PACS2: variants seen among roughly 807,000 people sequenced by gnomAD.
PACS2 encodes the protein phosphofurin acidic cluster sorting protein 2, also known as PACS1-like protein.
A neutral mutation model predicts 113.0 loss-of-function variants in PACS2; 36 were observed. The observed-to-expected ratio is 0.32, with a 90% CI of 0.24 to 0.42. The LOEUF (loss-of-function observed/expected upper bound fraction) is 0.42, where lower values mean the gene tolerates loss of function less well. PACS2 is among the 10% of genes least tolerant of loss of function. PACS2 has a pLI of 1.00. For synonymous variants in PACS2, 589 were observed against 536.1 expected (o/e 1.10, Z -1.36); for missense variants, 1,015 against 1,239.5 (o/e 0.82, Z 2.72).
intron 4 of PACS2, among the ~76,000 whole-genome samples, chr14:105,359,741 G>A (rs1001992107): frequency 3.9e-5 from 6 of 151,956 alleles, no homozygotes; most frequent in African/African-American, 7.3e-5. Flanking sequence ...ACAGGCGCCC[G>A]CCACTACGCC....
rs797043171 is a variant in PACS2, at chr14:105,355,286, A to C, written c.423+109A>C. On this transcript the variant is annotated intron_variant, in intron 4 of 24. Coordinates refer to ENST00000447393, the MANE Select transcript of PACS2 (RefSeq NM_001100913.3). The surrounding 1 kb of genome is among the most constrained non-coding windows in gnomAD (Gnocchi z 4.1). ...TCCCGGGTCCAGATGTCCAGGGATC[A>C]GGTGAAAATGATGAGAGGAGCCTGG... 16 of 1,323,908 alleles carry C rather than the reference A, an allele frequency of 1.2e-5. 1 individual carries two copies. The African/African-American group carries it at 2.2e-4, about 18-fold the overall frequency. 82.0% of individuals were successfully genotyped at this position (1,323,908 alleles called of 1,614,324 possible). A position where few individuals can be genotyped will look rare whatever the true frequency, so the allele number is the denominator to read the frequency against.
At chr14:105,377,175 G>C (rs2080814857) in intron 9 of PACS2, among the ~76,000 whole-genome samples, 1 of 152,192 alleles carries the variant, frequency 6.6e-6, no homozygotes, top group Non-Finnish European at 1.5e-5. Context: ...GGCTGGGGAG[G>C]ACCGAGAGGG....
chr14:105,306,300 T>TTG (rs1410300326), intron 1 of PACS2, among the ~76,000 whole-genome samples: 7 of 152,034 alleles, frequency 4.6e-5, no homozygotes, highest in African/African-American at 1.7e-4. Flanking sequence ...TGTTTTGTTT[T>TTG]GTTTTGTTTT....
Position 105,385,680 on chromosome 14 carries a change from A to C in PACS2, c.2001-5A>C. The C allele has an allele frequency of 6.6e-7, 1 of 1,520,682 alleles. No individual in the cohort carries two copies. Among genetic ancestry groups the C allele is most frequent in the East Asian group, 2.5e-5 (1 of 40,456 alleles). 94.2% of individuals were successfully genotyped at this position (1,520,682 alleles called of 1,614,324 possible). A position where few individuals can be genotyped will look rare whatever the true frequency, so the allele number is the denominator to read the frequency against. Reference sequence around the variant, plus strand: ...TGTTTTCTCTTTTGGTGGCTTTCTGAAAAGGAAAAAGCATTTTCATTTTGA... The same window carrying C: ...TGTTTTCTCTTTTGGTGGCTTTCTGCAAAGGAAAAAGCATTTTCATTTTGA... On this transcript the variant is annotated splice_polypyrimidine_tract_variant and splice_region_variant and intron_variant, in intron 18 of 24. Transcript: ENST00000447393.
In PACS2 at chr14:105,380,949, C is replaced by T. The variant is rs782344385; in HGVS notation, c.1126-8C>T. The T allele has an allele frequency of 3.1e-6, 5 of 1,608,036 alleles. No homozygotes were observed. The highest frequency in any genetic ancestry group is 4.2e-6 in the Non-Finnish European group (5 of 1,177,038). ...ACGGGAGGCTCCAGGCCCGTCTCTG[C>T]TCAGCAGGGTGTGCCAGGCCCGAGG... On this transcript the variant is annotated splice_polypyrimidine_tract_variant and splice_region_variant and intron_variant, in intron 11 of 24. Transcript: ENST00000447393.
chr14:105,335,257 G>A (rs1229751777), intron 1 of PACS2, among the ~76,000 whole-genome samples: 3 of 152,270 alleles, frequency 2.0e-5, no homozygotes, highest in Non-Finnish European at 4.4e-5. Context: ...TGCCGTTGCT[G>A]GAGCCGTGGT....
Position 105,368,461 on chromosome 14 carries a change from C to A in PACS2, c.663C>A (p.Asp221Glu), listed in dbSNP as rs781891896. ...EASDDAVQGQ[D>E]LDEDDFDVGK... ...AGCCACTGCATATGTCTCTGCAGGA[C>A]TTGGACGAGGACGACTTTGACGTGG... The change falls in exon 7 of 25, where the codon GAC becomes GAA. Residue 221 changes from aspartate (D) to glutamate (E), a missense_variant and splice_region_variant. Coordinates refer to ENST00000447393, the MANE Select transcript of PACS2 (RefSeq NM_001100913.3). 3 of 1,613,534 alleles carry A rather than the reference C, an allele frequency of 1.9e-6. No individual in the cohort carries two copies. The highest frequency in any genetic ancestry group is 2.5e-6 in the Non-Finnish European group (3 of 1,179,590).
At chr14:105,333,789 C>T (rs1238403502) in intron 1 of PACS2, among the ~76,000 whole-genome samples, 1 of 152,244 alleles carries the variant, frequency 6.6e-6, no homozygotes, top group Admixed American at 6.5e-5. Context: ...AGGGTCACAG[C>T]CTGTGGCCCA....
chr14:105,378,834 C>T (rs1307703045), intron 9 of PACS2, among the ~76,000 whole-genome samples: 3 of 152,218 alleles, frequency 2.0e-5, no homozygotes, highest in African/African-American at 7.2e-5. Context: ...TGGCCTGGAT[C>T]GGCCAGATGG....
At position 105,394,631 on chromosome 14, in the gene PACS2, T is replaced by C. The variant is rs782057690; in HGVS notation, c.2674T>C (p.Phe892Leu). The change falls in exon 25 of 25, where the codon TTC (phenylalanine) becomes CTC (leucine). Residue 892 changes from phenylalanine to leucine, a missense_variant. Physicochemically the swap from Phe to Leu is conservative, Grantham distance 22. This residue lies in a region of PACS2 where 859 missense variants were observed against 1,056.8 expected (regional missense o/e 0.81). Transcript: ENST00000447393. Reference sequence around the variant, plus strand: ...GCAGTGGTCCTCGCACGTGAAGCACTTCCCCATCTGCATCTTCGGACACTC... The same window carrying C: ...GCAGTGGTCCTCGCACGTGAAGCACCTCCCCATCTGCATCTTCGGACACTC... The part of the protein sequence containing the change: ...AAQWSSHVKH[F>L]PICIFGHSKA... 1.2e-6 allele frequency: 2 copies of C among 1,613,244 alleles called. No homozygotes were observed. The highest frequency in any genetic ancestry group is 2.2e-5 in the East Asian group (1 of 44,880).
At chr14:105,312,645 A>G (rs187221101), upstream of PACS2, among the ~76,000 whole-genome samples, 1 of 152,354 alleles carries the variant, frequency 6.6e-6, no homozygotes, top group East Asian at 1.9e-4. Flanking sequence ...CACAGCCCTC[A>G]AGAGAAGGAC....
chr14:105,371,401 G>C (rs1555409377), intron 8 of PACS2: 1 of 152,244 alleles, frequency 6.6e-6, no homozygotes, highest in African/African-American at 2.4e-5. Flanking sequence ...CACTTACACA[G>C]ATTATGGTTC....
chr14:105,374,788 A>G (rs587759346), intron 8 of PACS2: 16 of 152,388 alleles, frequency 1.0e-4, no homozygotes, highest in Admixed American at 4.6e-4. Flanking sequence ...ATGCCTGCCA[A>G]GTCTTTGAGA....
Position 105,357,094 on chromosome 14 carries a change from C to G in PACS2, c.423+1917C>G, listed in dbSNP as rs1199794129. Among the ~76,000 whole-genome samples the G allele has an allele frequency of 6.6e-6, 1 of 152,190 alleles. No homozygotes were observed. The highest frequency in any genetic ancestry group is 1.9e-4 in the East Asian group (1 of 5,202). On this transcript the variant is annotated intron_variant, in intron 4 of 24. Coordinates refer to ENST00000447393, the MANE Select transcript of PACS2 (RefSeq NM_001100913.3). The surrounding 1 kb of genome is among the most constrained non-coding windows in gnomAD (Gnocchi z 5.1). ...GGCTGCTCCGCCCACATCTCTCAGT[C>G]TGCACCCCAGTGCCCCAGGCGGCTC...
chr14:105,378,877 G>C (rs1482685560), intron 9 of PACS2, among the ~76,000 whole-genome samples: 1 of 152,204 alleles, frequency 6.6e-6, no homozygotes, highest in African/African-American at 2.4e-5. Flanking sequence ...GGAAAGGCAT[G>C]GGTGGCCTGG....
intron 1 of PACS2, among the ~76,000 whole-genome samples, chr14:105,301,818 G>A (rs2058039957): frequency 6.6e-6 from 1 of 152,230 alleles, no homozygotes; most frequent in South Asian, 2.1e-4. Flanking sequence ...CATAGGGCCG[G>A]TGACATACCC....
In PACS2 at chr14:105,354,117, C is replaced by CA. The variant is rs1188793963; in HGVS notation, c.298-928dup. ...AAAAGAGAGAATATAATAACGAGGG[C>CA]AAAAAAACACTTACTGAGTCAAGGC... On this transcript the variant is annotated intron_variant, in intron 3 of 24. Transcript: ENST00000447393. The surrounding 1 kb of genome is among the most constrained non-coding windows in gnomAD (Gnocchi z 4.2). Among the ~76,000 whole-genome samples, 7 of 151,652 alleles carry CA rather than the reference C, an allele frequency of 4.6e-5. No homozygotes were observed. Among genetic ancestry groups the CA allele is most frequent in the African/African-American group, 1.5e-4 (6 of 41,276 alleles).
Position 105,385,032 on chromosome 14 carries a change from C to T in PACS2, c.2000+45C>T, listed in dbSNP as rs868976538. 2.4e-6 allele frequency: 3 copies of T among 1,244,072 alleles called. No homozygotes were observed. The South Asian group carries it at 3.8e-5, about 16-fold the overall frequency. 77.1% of individuals were successfully genotyped at this position (1,244,072 alleles called of 1,614,324 possible). On this transcript the variant is annotated intron_variant, in intron 18 of 24. Transcript: ENST00000447393. ...CACCATACCACAGGCTGCCGCCAGC[C>T]ACCAACCCTCCGTGGGCCTCCCCAC...
chr14:105,390,436 G>A (rs587736374), intron 20 of PACS2: 674 of 202,968 alleles, frequency 3.3e-3, no homozygotes, highest in Non-Finnish European at 4.8e-3. Flanking sequence ...CCTGCCCAGG[G>A]TTAGGGCTGC....
Sources: gnomAD v4.1 joint callset for allele counts (sites outside exome capture counted in the v4.1 genomes callset) on GRCh38, gnomAD v4.1.1 for gene constraint, gnomAD v4.1.1 regional missense constraint, Gnocchi (gnomAD v3.1) non-coding constraint, MANE v1.5 for transcripts, NCBI Gene and HGNC (gene_info 2026-07-23, HGNC 2026-07-21) for gene names.